Variants in STK39 observed in about 807,000 individuals in gnomAD.
STK39 encodes the protein STE20/SPS1-related proline-alanine-rich protein kinase.
Under a neutral mutation model 77.8 loss-of-function variants are expected in STK39, and 20 were observed. The observed-to-expected ratio is 0.26, with a 90% CI of 0.18 to 0.37. The LOEUF (loss-of-function observed/expected upper bound fraction) is 0.37, where lower values mean the gene tolerates loss of function less well. Among genes scored for constraint, STK39 ranks in the 10% least tolerant of loss-of-function variants. The pLI is 1.00. For synonymous variants in STK39, 246 were observed against 234.1 expected (o/e 1.05, Z -0.47); for missense variants, 479 against 656.5 (o/e 0.73, Z 2.95).
At chr2:168,125,808 C>T (rs1405978615) in intron 10 of STK39, among the ~76,000 whole-genome samples, 2 of 152,062 alleles carry the variant, frequency 1.3e-5, no homozygotes, top group African/African-American at 4.8e-5. Context: ...GGAGTCAATC[C>T]GGATGAAGAC....
intron 16 of STK39, among the ~76,000 whole-genome samples, chr2:167,990,702 A>C (rs143207447): frequency 7.6e-4 from 115 of 152,290 alleles, no homozygotes; most frequent in African/African-American, 2.6e-3. Flanking sequence ...GAACCCACAT[A>C]TCTTTATAAT....
At chr2:168,123,136 C>A (rs1371207862) in intron 10 of STK39, among the ~76,000 whole-genome samples, 1 of 152,176 alleles carries the variant, frequency 6.6e-6, no homozygotes, top group Non-Finnish European at 1.5e-5. Context: ...AAATATCACA[C>A]AGACCTAAAC....
In STK39 at chr2:168,094,035, A is replaced by G. The variant is rs572719884; in HGVS notation, c.1090-18804T>C. Among the ~76,000 whole-genome samples, 14 of 152,252 alleles carry G rather than the reference A, an allele frequency of 9.2e-5. No homozygotes were observed. In the South Asian group the frequency reaches 2.9e-3, roughly 32 times the overall value. ...GCCTCTAGGGAAGGAAGACTACCAC[A>G]TATCTTACACAGGACAACTATAGGA... On this transcript the variant is annotated intron_variant, in intron 10 of 17. Transcript: ENST00000355999.
chr2:168,186,046 T>G (rs1299865087), intron 1 of STK39, among the ~76,000 whole-genome samples: 1 of 152,180 alleles, frequency 6.6e-6, no homozygotes, highest in Non-Finnish European at 1.5e-5. Context: ...TGTGACTATA[T>G]TTAGAGATAC....
At chr2:168,137,559 CT>C (rs1178872148) in intron 8 of STK39, among the ~76,000 whole-genome samples, 1 of 152,214 alleles carries the variant, frequency 6.6e-6, no homozygotes, top group Non-Finnish European at 1.5e-5. Context: ...CCATTTGCTT[CT>C]GTTTACATGA....
intron 12 of STK39, among the ~76,000 whole-genome samples, chr2:168,068,697 C>T (rs115518241): frequency 0.021 from 3,121 of 152,242 alleles, 110 homozygotes; most frequent in African/African-American, 0.072. Context: ...GAAAAACATA[C>T]CTATCTTTTC....
chr2:168,007,711 G>T (rs1451488154), intron 16 of STK39, among the ~76,000 whole-genome samples: 1 of 152,094 alleles, frequency 6.6e-6, no homozygotes, highest in Non-Finnish European at 1.5e-5. Flanking sequence ...AGAAGAGCAA[G>T]TTCAACAGCC....
intron 14 of STK39, among the ~76,000 whole-genome samples, chr2:168,031,439 G>A (rs1196597615): frequency 3.3e-5 from 5 of 152,176 alleles, no homozygotes; most frequent in Admixed American, 6.5e-5. Context: ...GCCCTGAGAA[G>A]TGGCCACCAC....
rs980934471 is a variant in STK39 at position 167,988,662 on chromosome 2, A to G, written c.1499-23936T>C. 5.3e-5 allele frequency among the ~76,000 whole-genome samples: 8 copies of G among 152,210 alleles called. No individual in the cohort carries two copies. In the East Asian group the frequency reaches 1.5e-3, roughly 29 times the overall value. On this transcript the variant is annotated intron_variant, in intron 16 of 17. Transcript: ENST00000355999. Reference sequence around the variant, plus strand: ...TTTATCTTGTTAATATGAGAAAAAAAAAAGTGTTTCTGGAATCAAAGGTGG... The same window carrying G: ...TTTATCTTGTTAATATGAGAAAAAAGAAAGTGTTTCTGGAATCAAAGGTGG...
chr2:168,047,449 A>G, intron 14 of STK39, among the ~76,000 whole-genome samples: 1 of 152,240 alleles, frequency 6.6e-6, no homozygotes, highest in East Asian at 1.9e-4. Flanking sequence ...AGAAAGGATC[A>G]AAGGACAAAA....
intron 16 of STK39, among the ~76,000 whole-genome samples, chr2:167,999,549 C>T (rs1683939148): frequency 6.6e-6 from 1 of 152,050 alleles, no homozygotes; most frequent in South Asian, 2.1e-4. Context: ...GCAAGCTCTG[C>T]CTCCTGGGTT....
At chr2:168,185,896 GA>G (rs1326140187) in intron 1 of STK39, among the ~76,000 whole-genome samples, 1 of 152,188 alleles carries the variant, frequency 6.6e-6, no homozygotes, top group East Asian at 1.9e-4. Flanking sequence ...TGCCAAAGGT[GA>G]CCATTCCTGC....
intron 1 of STK39, among the ~76,000 whole-genome samples, chr2:168,238,674 C>T (rs1350384635): frequency 6.6e-6 from 1 of 152,184 alleles, no homozygotes; most frequent in Non-Finnish European, 1.5e-5. Flanking sequence ...ACATCGGATT[C>T]CAAAGTATTT....
intron 10 of STK39, among the ~76,000 whole-genome samples, chr2:168,127,377 C>T (rs1687570576): frequency 6.6e-6 from 1 of 152,156 alleles, no homozygotes; most frequent in African/African-American, 2.4e-5. Flanking sequence ...TCTCGATCTC[C>T]CGACCTTGTG....
chr2:168,072,823 C>G (rs1685975133), intron 12 of STK39, among the ~76,000 whole-genome samples: 1 of 152,202 alleles, frequency 6.6e-6, no homozygotes, highest in South Asian at 2.1e-4. Context: ...ACTGTAGCAT[C>G]TCTTAATACA....
At chr2:168,047,587 A>G (rs1685277793) in intron 14 of STK39, among the ~76,000 whole-genome samples, 2 of 152,154 alleles carry the variant, frequency 1.3e-5, no homozygotes, top group Non-Finnish European at 2.9e-5. Flanking sequence ...TAAGACAACA[A>G]AGGCCATTGG....
chr2:168,163,803 C>T lies in STK39; in HGVS notation c.508G>A (p.Ala170Thr). 6.2e-7 allele frequency: 1 copy of T among 1,613,966 alleles called. No individual in the cohort carries two copies. Among genetic ancestry groups the T allele is most frequent in the Non-Finnish European group, 8.5e-7 (1 of 1,179,930 alleles). ...TCCAAAACCTCTTTAAGAATTGTTG[C>T]TATTATTGCCTCTTCCAGAACTCCA... is the stretch of plus-strand genomic sequence containing the variant. ...KNGVLEEAIIATILKEVLEGL... is the reference protein window; with the variant it reads ...KNGVLEEAIITTILKEVLEGL... Residue 170 changes from alanine to threonine, a missense_variant, in exon 4 of 18, where the codon GCA (alanine) becomes ACA (threonine). Ala to Thr is a moderately conservative substitution (Grantham distance 58, BLOSUM62 0). This residue lies in a region of STK39 where 139 missense variants were observed against 280.6 expected (regional missense o/e 0.50). Transcript: ENST00000355999.
intron 10 of STK39, among the ~76,000 whole-genome samples, chr2:168,091,765 T>C (rs1353458049): frequency 6.6e-6 from 1 of 152,190 alleles, no homozygotes; most frequent in Non-Finnish European, 1.5e-5. Flanking sequence ...CCTTCAACAT[T>C]ATCAACATTT....
chr2:168,218,066 T>C (rs540221077), intron 1 of STK39, among the ~76,000 whole-genome samples: 1 of 152,350 alleles, frequency 6.6e-6, no homozygotes, highest in African/African-American at 2.4e-5. Flanking sequence ...TTTAACACCA[T>C]GTCATCATTA....
Sources: allele counts gnomAD v4.1 joint callset (sites outside exome capture counted in the v4.1 genomes callset), GRCh38; gene constraint gnomAD v4.1.1; regional missense constraint gnomAD v4.1.1; transcripts MANE v1.5; gene names NCBI Gene and HGNC (gene_info 2026-07-23, HGNC 2026-07-21).